TNPO3: variants seen among roughly 807,000 people sequenced by gnomAD.
TNPO3 encodes transportin 3, also known as transportin-3.
TNPO3 carries 65 observed loss-of-function variants against 122.8 expected under a neutral mutation model. The observed-to-expected ratio is 0.53, with a 90% CI of 0.43 to 0.65. The LOEUF is 0.65. TNPO3 is among the 30% of genes least tolerant of loss of function. The probability of loss-of-function intolerance (pLI) is 0.00; values close to 1 mark genes in which losing one functional copy is unlikely to be tolerated. For missense variants in TNPO3, 850 were observed against 1,136.7 expected, an observed-to-expected ratio of 0.75 and a Z score of 3.63; for synonymous variants, 372 against 411.2, an observed-to-expected ratio of 0.90 and a Z score of 1.15.
At chr7:128,968,579 C>T (rs1798147820) in intron 20 of TNPO3, among the ~76,000 whole-genome samples, 2 of 152,024 alleles carry the variant, frequency 1.3e-5, no homozygotes, top group Non-Finnish European at 2.9e-5. Flanking sequence ...TATATTTTCC[C>T]ATCATATTCA....
intron 21 of TNPO3, among the ~76,000 whole-genome samples, chr7:128,961,053 G>A (rs1460883609): frequency 2.6e-5 from 4 of 152,016 alleles, no homozygotes; most frequent in African/African-American, 4.8e-5. Context: ...GAGCCACCGC[G>A]CCTGGCCAAG....
Position 129,054,881 on chromosome 7 carries a change from G to C in TNPO3, c.-111C>G. ...TCTGGGCCACGGCCGCTCCCTGACT[G>C]GCGCCATCTCCTCCTCTTTGGCCGT... On this transcript the variant is annotated 5_prime_UTR_variant, in exon 1 of 23. Transcript: ENST00000265388. 1 of 1,450,158 alleles carries C rather than the reference G, an allele frequency of 6.9e-7. No individual in the cohort carries two copies. The highest frequency in any genetic ancestry group is 9.4e-7 in the Non-Finnish European group (1 of 1,058,906). The allele number at this position is 1,450,158 out of a possible 1,614,324, so 89.8% of individuals were successfully genotyped here.
chr7:129,049,136 T>A (rs1301326790), intron 1 of TNPO3, among the ~76,000 whole-genome samples: 1 of 151,902 alleles, frequency 6.6e-6, no homozygotes, highest in African/African-American at 2.4e-5. Flanking sequence ...GAAGAAAGGG[T>A]TGGGAAAGGG....
At chr7:128,984,096 G>A (rs1325503839) in intron 13 of TNPO3, 72 bp downstream of exon 13, 4 of 923,492 alleles carry the variant, frequency 4.3e-6, no homozygotes, top group Non-Finnish European at 6.2e-6. Flanking sequence ...CTGTAAATAA[G>A]TAATTTCATC....
chr7:129,018,315 A>G (rs1219134622), intron 1 of TNPO3, among the ~76,000 whole-genome samples, 158 bp from the exon 2 acceptor site: 2 of 152,240 alleles, frequency 1.3e-5, no homozygotes, highest in African/African-American at 4.8e-5. Flanking sequence ...AGTTCAATAT[A>G]CATTGTTATA....
At chr7:129,003,296 G>GTTTT (rs1299743179) in intron 5 of TNPO3, among the ~76,000 whole-genome samples, 6 of 107,686 alleles carry the variant, frequency 5.6e-5, no homozygotes, top group African/African-American at 1.8e-4. Flanking sequence ...TAATTTTTAG[G>GTTTT]GTTTTTTTTT....
chr7:128,957,057 T>A (rs967664151), intron 22 of TNPO3, among the ~76,000 whole-genome samples, 167 bp downstream of exon 22: 1 of 152,062 alleles, frequency 6.6e-6, no homozygotes, highest in African/African-American at 2.4e-5. Flanking sequence ...CCCAAGAAAA[T>A]CCGGGCCCTG....
At chr7:129,013,641 A>G (rs1289019748) in intron 4 of TNPO3, among the ~76,000 whole-genome samples, 1 of 152,204 alleles carries the variant, frequency 6.6e-6, no homozygotes, top group Non-Finnish European at 1.5e-5. Flanking sequence ...AAAAGAAACC[A>G]GTATATCAAG....
Position 128,955,063 on chromosome 7 carries a change from A to G in TNPO3, c.*354T>C, listed in dbSNP as rs1386799857. On this transcript the variant is annotated 3_prime_UTR_variant, in exon 23 of 23. Transcript: ENST00000265388. Reference sequence around the variant, plus strand: ...TCATTTGCTACCAGGTGAATGTTTCAGTTCTGGTTTCTGTTTAGTCTTCCT... The same window carrying G: ...TCATTTGCTACCAGGTGAATGTTTCGGTTCTGGTTTCTGTTTAGTCTTCCT... The G allele has an allele frequency of 1.6e-5, 5 of 318,458 alleles. No homozygotes were observed. Among genetic ancestry groups the G allele is most frequent in the Non-Finnish European group, 2.4e-5 (4 of 164,740 alleles). 19.7% of individuals were successfully genotyped at this position (318,458 alleles called of 1,614,324 possible).
chr7:129,015,116 A>T lies in TNPO3; in HGVS notation c.415T>A (p.Ser139Thr). The change falls in exon 4 of 23, where the codon TCT becomes ACT. Residue 139 changes from serine to threonine, a missense_variant. By Grantham distance (58) the Ser-to-Thr change is moderately conservative (BLOSUM62 1). Transcript: ENST00000265388. ...LVEKYSNDVT[S>T]LPFLLEILTV... ...AGGATCTCCAGCAAAAAAGGCAAAG[A>T]AGTCACATCATTGCTGTATCTGCAA... The T allele has an allele frequency of 6.2e-7, 1 of 1,610,924 alleles. No individual in the cohort carries two copies. Among genetic ancestry groups the T allele is most frequent in the Non-Finnish European group, 8.5e-7 (1 of 1,179,394 alleles).
chr7:128,982,073 T>C (rs776116539), intron 14 of TNPO3, among the ~76,000 whole-genome samples, 175 bp downstream of exon 14: 50 of 152,192 alleles, frequency 3.3e-4, no homozygotes, highest in Non-Finnish European at 5.4e-4. Context: ...CTACCAGGAA[T>C]GAATTCTTAG....
chr7:128,986,829 G>A lies in TNPO3; in HGVS notation c.1590C>T (p.Cys530=), dbSNP rs1459049898. 1.2e-6 allele frequency: 2 copies of A among 1,614,104 alleles called. No homozygotes were observed. Among genetic ancestry groups the A allele is most frequent in the Non-Finnish European group, 8.5e-7 (1 of 1,180,012 alleles). ...AKAIHNICSV[C]RDHMAQHFNG... is the part of the protein sequence containing the mutation. ...TAAAGTGCTGAGCCATGTGATCTCG[G>A]CAGACAGAGCAAATGTTATGAATGG... The change falls in exon 12 of 23, where the codon TGC becomes TGT. Residue 530 remains cysteine, a synonymous_variant. Coordinates refer to ENST00000265388, the MANE Select transcript of TNPO3 (RefSeq NM_012470.4).
chr7:129,030,747 A>G (rs989446312), intron 1 of TNPO3, among the ~76,000 whole-genome samples: 3 of 152,134 alleles, frequency 2.0e-5, no homozygotes, highest in Non-Finnish European at 2.9e-5. Context: ...ATGGAAGACT[A>G]GGATATAGGT....
intron 1 of TNPO3, among the ~76,000 whole-genome samples, chr7:129,022,754 T>C (rs1804674380): frequency 6.6e-6 from 1 of 152,048 alleles, no homozygotes. Context: ...AGAAAGAAAA[T>C]GTGACAAAGA....
At chr7:128,960,888 T>TCTC (rs1336876433) in intron 21 of TNPO3, among the ~76,000 whole-genome samples, 1 of 151,944 alleles carries the variant, frequency 6.6e-6, no homozygotes, top group African/African-American at 2.4e-5. Flanking sequence ...GCCTCCTGAG[T>TCTC]AGCTGGGATT....
intron 1 of TNPO3, among the ~76,000 whole-genome samples, chr7:129,034,658 G>A (rs1292424310): frequency 6.6e-6 from 1 of 151,960 alleles, no homozygotes; most frequent in African/African-American, 2.4e-5. Context: ...GGGAGGCTGA[G>A]GCGGGCGGAT....
intron 4 of TNPO3, among the ~76,000 whole-genome samples, chr7:129,013,841 A>G (rs533246591): frequency 3.5e-4 from 53 of 152,332 alleles, no homozygotes; most frequent in African/African-American, 1.2e-3. Context: ...ACTGTTAGAC[A>G]TTATGTTAAG....
intron 14 of TNPO3, among the ~76,000 whole-genome samples, chr7:128,981,123 G>A (rs573751347): frequency 6.6e-6 from 1 of 152,228 alleles, no homozygotes; most frequent in Admixed American, 6.5e-5. Flanking sequence ...TGTGAAATAA[G>A]GGTTACTGTT....
In TNPO3 at chr7:128,967,269, G is replaced by A; in HGVS notation, c.2711+11C>T. ...TCCCACACCTCCTTAAGAACCCCCA[G>A]TATCACTCACCTAGTGACTTGCTTG... On this transcript the variant is annotated intron_variant, in intron 21 of 22. Transcript: ENST00000265388. The A allele has an allele frequency of 6.5e-7, 1 of 1,535,830 alleles. No homozygotes were observed. The highest frequency in any genetic ancestry group is 9.0e-7 in the Non-Finnish European group (1 of 1,108,508).
Sources: allele counts gnomAD v4.1 joint callset (sites outside exome capture counted in the v4.1 genomes callset), GRCh38; gene constraint gnomAD v4.1.1; transcripts MANE v1.5; gene names NCBI Gene and HGNC (gene_info 2026-07-23, HGNC 2026-07-21).